GABPB1: variants seen among roughly 807,000 people sequenced by gnomAD.
GABPB1 encodes the protein GA binding protein transcription factor subunit beta 1, also known as GA-binding protein subunit beta-1.
GABPB1 carries 15 observed loss-of-function variants against 45.9 expected under a neutral mutation model. That is an observed-to-expected ratio of 0.33 (90% CI 0.22 to 0.50). GABPB1 has a LOEUF of 0.50. GABPB1 is among the 20% of genes least tolerant of loss of function. The pLI is 0.98. For synonymous variants in GABPB1, 143 were observed against 154.4 expected (o/e 0.93, Z 0.55); for missense variants, 252 against 457.5 (o/e 0.55, Z 4.10).
chr15:50,275,485 A>G lies in GABPB1; in HGVS notation c.*3147T>C, dbSNP rs1350163040. ...AAACCCATCCTAAGTCAAAAATATCATAAATGTAAAATGCAATTAATACCC... is the reference window on the plus strand; with the variant it reads ...AAACCCATCCTAAGTCAAAAATATCGTAAATGTAAAATGCAATTAATACCC... On this transcript the variant is annotated 3_prime_UTR_variant, in exon 9 of 9. Transcript: ENST00000380877. 1 of 152,238 alleles carries G rather than the reference A, an allele frequency of 6.6e-6. No individual in the cohort carries two copies. Among genetic ancestry groups the G allele is most frequent in the African/African-American group, 2.4e-5 (1 of 41,464 alleles). The allele number at this position is 152,238 out of a possible 1,614,324, so 9.4% of individuals were successfully genotyped here. A position where few individuals can be genotyped will look rare whatever the true frequency, so the allele number is the denominator to read the frequency against.
At chr15:50,300,166 A>C (rs1184098688) in intron 6 of GABPB1, among the ~76,000 whole-genome samples, 1 of 152,182 alleles carries the variant, frequency 6.6e-6, no homozygotes, top group African/African-American at 2.4e-5. Context: ...AATTAGAGAC[A>C]GGGACATTTT....
chr15:50,333,367 G>A (rs999731153), intron 1 of GABPB1, among the ~76,000 whole-genome samples: 1 of 152,186 alleles, frequency 6.6e-6, no homozygotes, highest in African/African-American at 2.4e-5. Flanking sequence ...GGAGGCTGAG[G>A]TGGGAGGATT....
intron 1 of GABPB1, among the ~76,000 whole-genome samples, chr15:50,332,770 C>G (rs998559221): frequency 2.6e-5 from 4 of 151,962 alleles, no homozygotes; most frequent in African/African-American, 7.2e-5. Context: ...AAATTACTAT[C>G]CTTCTAGGTA....
chr15:50,341,376 T>G (rs904464557), intron 1 of GABPB1, among the ~76,000 whole-genome samples: 2 of 151,916 alleles, frequency 1.3e-5, no homozygotes, highest in Non-Finnish European at 2.9e-5. Context: ...CTACTAAAAA[T>G]ACAAAATTAG....
intron 6 of GABPB1, among the ~76,000 whole-genome samples, chr15:50,294,757 A>AG (rs2046456447): frequency 6.6e-6 from 1 of 152,176 alleles, no homozygotes; most frequent in African/African-American, 2.4e-5. Context: ...ACTTTTAGGG[A>AG]GAAAAAGAAG....
intron 1 of GABPB1, among the ~76,000 whole-genome samples, chr15:50,323,671 G>A (rs1341292839): frequency 6.6e-6 from 1 of 152,108 alleles, no homozygotes; most frequent in Non-Finnish European, 1.5e-5. Context: ...ACCAGCCTGG[G>A]CAACACACAG....
intron 1 of GABPB1, among the ~76,000 whole-genome samples, chr15:50,340,378 C>T (rs1011592541): frequency 6.6e-6 from 1 of 152,074 alleles, no homozygotes; most frequent in Admixed American, 6.6e-5. Flanking sequence ...ATAGGCAATA[C>T]TTTCATATAG....
chr15:50,302,079 G>C, intron 4 of GABPB1, among the ~76,000 whole-genome samples: 1 of 152,284 alleles, frequency 6.6e-6, no homozygotes, highest in South Asian at 2.1e-4. Flanking sequence ...CAGGCAAGAA[G>C]AGGCAGTAAT....
chr15:50,334,465 T>C (rs1229665137), intron 1 of GABPB1, among the ~76,000 whole-genome samples: 4 of 151,960 alleles, frequency 2.6e-5, no homozygotes, highest in Non-Finnish European at 5.9e-5. Flanking sequence ...ATTGCATCAT[T>C]AAGTTTTTAA....
intron 6 of GABPB1, among the ~76,000 whole-genome samples, chr15:50,297,282 G>A (rs1382616873): frequency 2.7e-5 from 4 of 150,090 alleles, no homozygotes; most frequent in African/African-American, 9.8e-5. Context: ...GCACAATCTC[G>A]GCTCACTGCA....
chr15:50,321,059 T>C (rs2047552691), intron 1 of GABPB1, among the ~76,000 whole-genome samples: 1 of 152,170 alleles, frequency 6.6e-6, no homozygotes, highest in African/African-American at 2.4e-5. Context: ...AATAGGAAAT[T>C]ATTACACGAT....
chr15:50,276,093 G>A lies in GABPB1; in HGVS notation c.*2539C>T, dbSNP rs375786438. ...GTCTTGCAGAACCCTGGTTGAGAAAGGTTGCTCCAGGTGTTTGTTCACACA... is the reference window on the plus strand; with the variant it reads ...GTCTTGCAGAACCCTGGTTGAGAAAAGTTGCTCCAGGTGTTTGTTCACACA... On this transcript the variant is annotated 3_prime_UTR_variant, in exon 9 of 9. Coordinates refer to ENST00000380877, the MANE Select transcript of GABPB1 (RefSeq NM_016654.5). 137 of 152,270 alleles carry A rather than the reference G, an allele frequency of 9.0e-4. No homozygotes were observed. The highest frequency in any genetic ancestry group is 3.2e-3 in the African/African-American group (131 of 41,544). The allele number at this position is 152,270 out of a possible 1,614,324, so 9.4% of individuals were successfully genotyped here.
intron 1 of GABPB1, among the ~76,000 whole-genome samples, chr15:50,338,221 G>A (rs2048215990): frequency 6.6e-6 from 1 of 151,684 alleles, no homozygotes; most frequent in Non-Finnish European, 1.5e-5. Context: ...TGTATTTTTA[G>A]TACAGACGGG....
chr15:50,286,898 C>T (rs1419577608), intron 7 of GABPB1, among the ~76,000 whole-genome samples: 1 of 152,222 alleles, frequency 6.6e-6, no homozygotes, highest in African/African-American at 2.4e-5. Context: ...CCATGCGAAG[C>T]CATTTTAATA....
chr15:50,352,948 G>C (rs905293981), intron 1 of GABPB1: 1 of 152,122 alleles, frequency 6.6e-6, no homozygotes, highest in Non-Finnish European at 1.5e-5. Context: ...GAGAGACAAA[G>C]AACTCTAAGG....
chr15:50,309,306 T>C (rs2047050699), intron 2 of GABPB1, among the ~76,000 whole-genome samples: 2 of 152,228 alleles, frequency 1.3e-5, no homozygotes, highest in Non-Finnish European at 2.9e-5. Flanking sequence ...AAACATAAAC[T>C]TGTTTTTCTT....
rs1240690975 is a variant in GABPB1 at position 50,277,643 on chromosome 15, C to G, written c.*989G>C. On this transcript the variant is annotated 3_prime_UTR_variant, in exon 9 of 9. Transcript: ENST00000380877. The stretch of plus-strand genomic sequence containing the variant: ...AAAAGCAATTTTTTTCCGTAAGAAT[C>G]ATTTCCTGGGGAGAAATAAGTCCAT... 6.6e-6 allele frequency: 1 copy of G among 152,552 alleles called. No homozygotes were observed. The highest frequency in any genetic ancestry group is 2.4e-5 in the African/African-American group (1 of 41,436). 9.4% of individuals were successfully genotyped at this position (152,552 alleles called of 1,614,324 possible).
intron 1 of GABPB1, among the ~76,000 whole-genome samples, chr15:50,337,570 C>G (rs2048195081): frequency 6.6e-6 from 1 of 151,872 alleles, no homozygotes; most frequent in Admixed American, 6.6e-5. Context: ...TCAAGACCAG[C>G]CTGGACAACA....
intron 6 of GABPB1, among the ~76,000 whole-genome samples, chr15:50,294,361 A>G (rs1340021971): frequency 1.3e-5 from 2 of 152,112 alleles, no homozygotes; most frequent in East Asian, 3.9e-4. Context: ...TAAAAATACA[A>G]AAATTAGCTG....
Sources: allele counts gnomAD v4.1 joint callset (sites outside exome capture counted in the v4.1 genomes callset), GRCh38; gene constraint gnomAD v4.1.1; transcripts MANE v1.5; gene names NCBI Gene and HGNC (gene_info 2026-07-23, HGNC 2026-07-21).